Variants in PIK3C2G observed in about 807,000 individuals in gnomAD.
PIK3C2G encodes the protein phosphatidylinositol-4-phosphate 3-kinase catalytic subunit type 2 gamma, also known as phosphatidylinositol 3-kinase C2 domain-containing subunit gamma.
Under a neutral mutation model 181.1 loss-of-function variants are expected in PIK3C2G, and 168 were observed. That is an observed-to-expected ratio of 0.93 (90% confidence interval 0.82 to 1.05). The LOEUF (loss-of-function observed/expected upper bound fraction) is 1.05, where lower values mean the gene tolerates loss of function less well. Ranked by LOEUF, PIK3C2G falls within the 50% of genes least tolerant of loss-of-function variation. The probability of loss-of-function intolerance (pLI) is 0.00; values close to 1 mark genes in which losing one functional copy is unlikely to be tolerated. For synonymous variants in PIK3C2G, 573 were observed against 592.2 expected (o/e 0.97, Z 0.47); for missense variants, 1,869 against 1,732.8 (o/e 1.08, Z -1.40).
At chr12:18,504,386 C>G (rs138028282) in intron 23 of PIK3C2G, among the ~76,000 whole-genome samples, 2 of 152,128 alleles carry the variant, frequency 1.3e-5, no homozygotes, top group Admixed American at 1.3e-4. Context: ...CCAAATACAT[C>G]GCTCTTCACA....
chr12:18,290,615 C>T (rs551589679), intron 3 of PIK3C2G, among the ~76,000 whole-genome samples: 1 of 152,256 alleles, frequency 6.6e-6, no homozygotes, highest in South Asian at 2.1e-4. Context: ...AAATGAGATG[C>T]TCCTGGGAAA....
intron 29 of PIK3C2G, among the ~76,000 whole-genome samples, chr12:18,583,581 C>T (rs1426201464): frequency 1.3e-5 from 2 of 151,472 alleles, no homozygotes; most frequent in African/African-American, 4.9e-5. Flanking sequence ...AGGGGCTGGT[C>T]CAGACCCCCA....
chr12:18,556,066 A>G (rs1944994644), intron 26 of PIK3C2G, among the ~76,000 whole-genome samples: 2 of 152,172 alleles, frequency 1.3e-5, no homozygotes, highest in Non-Finnish European at 2.9e-5. Context: ...CTCCCAGCAC[A>G]TAGAATAGTG....
At chr12:18,378,324 G>A (rs546315387) in intron 13 of PIK3C2G, among the ~76,000 whole-genome samples, 7 of 147,630 alleles carry the variant, frequency 4.7e-5, no homozygotes, top group Non-Finnish European at 7.5e-5. Flanking sequence ...TCCCCCCCCC[G>A]TAACTAATGA....
chr12:18,275,155 T>C (rs1192763291), intron 1 of PIK3C2G, among the ~76,000 whole-genome samples: 1 of 152,206 alleles, frequency 6.6e-6, no homozygotes, highest in East Asian at 1.9e-4. Flanking sequence ...TTCTCTTTTC[T>C]TGAATATCTA....
the PIK3C2G span, among the ~76,000 whole-genome samples, chr12:18,655,576 G>A: frequency 6.6e-6 from 1 of 152,054 alleles, no homozygotes; most frequent in African/African-American, 2.4e-5. Flanking sequence ...GAGGATTGGG[G>A]GATTAACTTT....
intron 5 of PIK3C2G, among the ~76,000 whole-genome samples, chr12:18,301,230 T>G (rs1308568449): frequency 6.6e-6 from 1 of 152,152 alleles, no homozygotes; most frequent in Non-Finnish European, 1.5e-5. Flanking sequence ...TTGAACTTCC[T>G]ATATATAGAT....
In PIK3C2G at chr12:18,560,593, G is replaced by A. The variant is rs146906719; in HGVS notation, c.3591-2110G>A. Among the ~76,000 whole-genome samples, 857 of 152,024 alleles carry A rather than the reference G, an allele frequency of 5.6e-3. 9 individuals carry two copies. Among genetic ancestry groups the A allele is most frequent in the African/African-American group, 0.019 (783 of 41,522 alleles). On this transcript the variant is annotated intron_variant, in intron 26 of 32. Transcript: ENST00000538779. ...CCTCAAGAGAGAAGGTAAAAACAGAGAGGACTTTTAAAATAAAAAAGAAAT... is the reference window on the plus strand; with the variant it reads ...CCTCAAGAGAGAAGGTAAAAACAGAAAGGACTTTTAAAATAAAAAAGAAAT...
intron 12 of PIK3C2G, among the ~76,000 whole-genome samples, chr12:18,365,972 A>C (rs1941614310): frequency 6.6e-6 from 1 of 152,154 alleles, no homozygotes; most frequent in Non-Finnish European, 1.5e-5. Flanking sequence ...TATCCAGAAT[A>C]TGTTCTCATC....
chr12:18,428,679 A>T (rs1945977097), intron 18 of PIK3C2G, among the ~76,000 whole-genome samples: 1 of 152,172 alleles, frequency 6.6e-6, no homozygotes, highest in Non-Finnish European at 1.5e-5. Context: ...CCTTTCTGAG[A>T]GGTGAAATTG....
At position 18,313,947 on chromosome 12, in the gene PIK3C2G, T is replaced by G. The variant is rs1217996977; in HGVS notation, c.1035-15T>G. On this transcript the variant is annotated splice_polypyrimidine_tract_variant and intron_variant, in intron 5 of 32. Transcript: ENST00000538779. ...TATGGGAGGATATGATTGTGTTCAT[T>G]TTTTCCTCCTTCAGCGACCACTGTT... The G allele has an allele frequency of 7.3e-7, 1 of 1,364,172 alleles. No individual in the cohort carries two copies. The highest frequency in any genetic ancestry group is 1.9e-5 in the Admixed American group (1 of 53,410). The allele number at this position is 1,364,172 out of a possible 1,614,324, so 84.5% of individuals were successfully genotyped here.
intron 29 of PIK3C2G, among the ~76,000 whole-genome samples, chr12:18,575,764 G>A (rs1946203798): frequency 1.3e-5 from 2 of 152,114 alleles, no homozygotes; most frequent in Non-Finnish European, 2.9e-5. Flanking sequence ...AAAACATTAT[G>A]GTTACACGCT....
intron 5 of PIK3C2G, among the ~76,000 whole-genome samples, chr12:18,295,687 T>G (rs1762136477): frequency 6.6e-6 from 1 of 152,048 alleles, no homozygotes; most frequent in Non-Finnish European, 1.5e-5. Flanking sequence ...AGTTGCCAAA[T>G]ATTAATATAT....
the PIK3C2G span, among the ~76,000 whole-genome samples, chr12:18,718,139 G>T: frequency 6.6e-6 from 1 of 152,090 alleles, no homozygotes. Flanking sequence ...ATAATGTTTG[G>T]TAGATTAGAT....
At chr12:18,659,662 T>TC in the PIK3C2G span, among the ~76,000 whole-genome samples, 1 of 123,416 alleles carries the variant, frequency 8.1e-6, no homozygotes, top group Non-Finnish European at 1.8e-5. Flanking sequence ...AGTTCTCCAT[T>TC]CTTTTTTTTT....
chr12:18,604,733 C>A (rs1195105754), intron 30 of PIK3C2G, among the ~76,000 whole-genome samples: 4 of 152,068 alleles, frequency 2.6e-5, no homozygotes, highest in Non-Finnish European at 4.4e-5. Flanking sequence ...AAAATCAACT[C>A]CAAAAGGAAC....
chr12:18,465,580 A>T (rs1253902682), intron 18 of PIK3C2G, among the ~76,000 whole-genome samples: 1 of 151,928 alleles, frequency 6.6e-6, no homozygotes, highest in African/African-American at 2.4e-5. Context: ...ATACAACTCT[A>T]GGTTGGCTGT....
At chr12:18,416,622 G>T (rs181901257) in intron 16 of PIK3C2G, among the ~76,000 whole-genome samples, 40 of 152,220 alleles carry the variant, frequency 2.6e-4, no homozygotes, top group Non-Finnish European at 5.1e-4. Context: ...AAATGACTCT[G>T]CCTGTACTCT....
intron 30 of PIK3C2G, among the ~76,000 whole-genome samples, chr12:18,608,129 C>A (rs1948145337): frequency 6.6e-6 from 1 of 152,122 alleles, no homozygotes; most frequent in South Asian, 2.1e-4. Context: ...CTGGTTCAAC[C>A]ATTGTGGAAG....
Sources: gnomAD v4.1 joint callset for allele counts (sites outside exome capture counted in the v4.1 genomes callset) on GRCh38, gnomAD v4.1.1 for gene constraint, MANE v1.5 for transcripts, NCBI Gene and HGNC (gene_info 2026-07-23, HGNC 2026-07-21) for gene names.